Variants in TMEM71 observed in about 807,000 individuals in gnomAD.
TMEM71 encodes the protein transmembrane protein 71.
A neutral mutation model predicts 38.0 loss-of-function variants in TMEM71; 44 were observed. The ratio of observed to expected loss-of-function variants is 1.16; its 90% CI spans 0.91 to 1.49. The LOEUF (loss-of-function observed/expected upper bound fraction) is 1.49. Among genes scored for constraint, TMEM71 ranks in the 40% most tolerant of loss-of-function variants. The pLI, the probability that TMEM71 is intolerant of heterozygous loss-of-function variation, is 0.00. For synonymous variants in TMEM71, 133 were observed against 122.5 expected (o/e 1.09, Z -0.56); for missense variants, 367 against 348.6 (o/e 1.05, Z -0.42).
At chr8:132,727,513 C>T (rs1209340936) in intron 6 of TMEM71, among the ~76,000 whole-genome samples, 2 of 152,176 alleles carry the variant, frequency 1.3e-5, no homozygotes, top group Non-Finnish European at 2.9e-5. Flanking sequence ...GCCTCGGCCT[C>T]CCAAAGTGCT....
At chr8:132,771,499 C>T in the TMEM71 span, among the ~76,000 whole-genome samples, 2 of 152,028 alleles carry the variant, frequency 1.3e-5, no homozygotes, top group Non-Finnish European at 2.9e-5. Context: ...CTCAGAGATC[C>T]ATGTGGCTCT....
chr8:132,726,854 C>CTTTTTTT (rs138185825), intron 6 of TMEM71, among the ~76,000 whole-genome samples: 1 of 139,996 alleles, frequency 7.1e-6, no homozygotes, highest in African/African-American at 2.7e-5. Context: ...TCTTCTTCTT[C>CTTTTTTT]TTTTTTTTTT....
the TMEM71 span, among the ~76,000 whole-genome samples, chr8:132,771,423 G>A: frequency 6.6e-6 from 1 of 151,992 alleles, no homozygotes; most frequent in Non-Finnish European, 1.5e-5. Flanking sequence ...TCTATTTTAT[G>A]ACCCTTAGTA....
chr8:132,746,823 G>T, intron 5 of TMEM71, 119 bp downstream of exon 5: 1 of 727,930 alleles, frequency 1.4e-6, no homozygotes, highest in East Asian at 2.8e-5. Context: ...TAAAAATGTG[G>T]CCCATCTCTC....
upstream of TMEM71, among the ~76,000 whole-genome samples, chr8:132,764,355 A>G (rs555278354): frequency 3.9e-5 from 6 of 152,010 alleles, no homozygotes; most frequent in Admixed American, 2.6e-4. Flanking sequence ...AACATGCCAA[A>G]GTCACTTGGC....
At chr8:132,715,317 G>A (rs1191054699) in intron 7 of TMEM71, among the ~76,000 whole-genome samples, 2 of 148,778 alleles carry the variant, frequency 1.3e-5, no homozygotes, top group East Asian at 4.1e-4. Flanking sequence ...GGCTGAGGCA[G>A]GAGAATGGCG....
At chr8:132,713,226 A>T (rs1826329084) in intron 9 of TMEM71, among the ~76,000 whole-genome samples, 1 of 127,042 alleles carries the variant, frequency 7.9e-6, no homozygotes, top group African/African-American at 5.0e-5. Context: ...AGGTTGAATA[A>T]AACTTAGCTG....
chr8:132,735,203 G>A (rs530000108), intron 5 of TMEM71, among the ~76,000 whole-genome samples: 3 of 152,246 alleles, frequency 2.0e-5, no homozygotes, highest in Non-Finnish European at 2.9e-5. Flanking sequence ...GCAAAATTCC[G>A]TGGCTCAAGA....
intron 1 of TMEM71, among the ~76,000 whole-genome samples, chr8:132,759,742 GT>G (rs557470014): frequency 7.1e-4 from 108 of 152,238 alleles, no homozygotes; most frequent in African/African-American, 2.4e-3. Flanking sequence ...GTAATGGATT[GT>G]TTTTGTAGCT....
rs975995287 is a variant in TMEM71, at chr8:132,715,409, C to CAAAAAAAAAAAA, written c.753-1206_753-1195dup. Among the ~76,000 whole-genome samples, 26 of 21,568 alleles carry CAAAAAAAAAAAA rather than the reference C, an allele frequency of 1.2e-3. 4 individuals carry two copies. The highest frequency in any genetic ancestry group is 2.2e-3 in the South Asian group (1 of 452). 14.1% of individuals were successfully genotyped at this position (21,568 alleles called of 152,430 possible). A position where few individuals can be genotyped will look rare whatever the true frequency, so the allele number is the denominator to read the frequency against. On this transcript the variant is annotated intron_variant, in intron 7 of 9. Coordinates refer to ENST00000677595, the MANE Select transcript of TMEM71 (RefSeq NM_001382403.1). Reference sequence around the variant, plus strand: ...TGGGCGACAGAGCAAGACTCCGTCTCAAAAAAAAAAAAAAAAAAAAAAAAA... The same window carrying CAAAAAAAAAAAA: ...TGGGCGACAGAGCAAGACTCCGTCTCAAAAAAAAAAAAAAAAAAAAAAAAAAAAAAAAAAAAA...
the TMEM71 span, among the ~76,000 whole-genome samples, chr8:132,774,172 G>A: frequency 6.6e-6 from 1 of 152,218 alleles, no homozygotes; most frequent in East Asian, 1.9e-4. Context: ...AGGGTGGAAA[G>A]TATAATCCTG....
intron 6 of TMEM71, among the ~76,000 whole-genome samples, chr8:132,722,574 A>G (rs766985833): frequency 6.6e-6 from 1 of 152,220 alleles, no homozygotes; most frequent in Non-Finnish European, 1.5e-5. Flanking sequence ...TAGTTCTGCA[A>G]AGAGAAGAAA....
At chr8:132,771,446 A>G in the TMEM71 span, among the ~76,000 whole-genome samples, 3,085 of 152,192 alleles carry the variant, frequency 0.02, 105 homozygotes, top group African/African-American at 0.072. Flanking sequence ...AGAGACTTTG[A>G]TATCTTAGAA....
At chr8:132,768,044 T>C in the TMEM71 span, among the ~76,000 whole-genome samples, 3 of 152,166 alleles carry the variant, frequency 2.0e-5, no homozygotes, top group African/African-American at 7.2e-5. Context: ...TGACAATAAT[T>C]AAATTATAAG....
At chr8:132,762,513 A>G (rs1345158280), upstream of TMEM71, among the ~76,000 whole-genome samples, 2 of 152,030 alleles carry the variant, frequency 1.3e-5, no homozygotes, top group Non-Finnish European at 2.9e-5. Context: ...CACATATTAG[A>G]ACCTTATTAT....
intron 3 of TMEM71, among the ~76,000 whole-genome samples, chr8:132,756,162 C>G (rs1158629244): frequency 6.6e-6 from 1 of 151,328 alleles, no homozygotes; most frequent in African/African-American, 2.4e-5. Flanking sequence ...GTCAGAGAGT[C>G]ATTAAAAAAA....
chr8:132,767,777 G>T, the TMEM71 span, among the ~76,000 whole-genome samples: 1 of 152,078 alleles, frequency 6.6e-6, no homozygotes, highest in African/African-American at 2.4e-5. Context: ...GCCCGGCCTA[G>T]CTCTTCGTTT....
intron 5 of TMEM71, among the ~76,000 whole-genome samples, chr8:132,739,749 T>C (rs1827940278): frequency 6.6e-6 from 1 of 152,202 alleles, no homozygotes; most frequent in African/African-American, 2.4e-5. Flanking sequence ...AGATAATGTA[T>C]GTAAACAAGC....
At chr8:132,742,756 A>G (rs1834438) in intron 5 of TMEM71, among the ~76,000 whole-genome samples, 45,536 of 152,086 alleles carry the variant, frequency 0.3, 7,028 homozygotes, top group Non-Finnish European at 0.33. Flanking sequence ...CCCATTTTTA[A>G]TTCAGGCCCA....
Sources: gnomAD v4.1 joint callset for allele counts (sites outside exome capture counted in the v4.1 genomes callset) on GRCh38, gnomAD v4.1.1 for gene constraint, MANE v1.5 for transcripts, NCBI Gene and HGNC (gene_info 2026-07-23, HGNC 2026-07-21) for gene names.